The following ASPM variants were observed in gnomAD, a reference collection of about 807,000 sequenced individuals.
ASPM encodes assembly factor for spindle microtubules.
ASPM carries 256 observed loss-of-function variants against 366.4 expected under a neutral mutation model. The observed-to-expected ratio is 0.70, with a 90% CI of 0.63 to 0.77. The LOEUF is 0.77. ASPM is among the 30% of genes least tolerant of loss of function. The probability of loss-of-function intolerance (pLI) is 0.00; values close to 1 mark genes in which losing one functional copy is unlikely to be tolerated. For missense variants in ASPM, 4,146 were observed against 4,090.4 expected (o/e 1.01, Z -0.37); for synonymous variants, 1,414 against 1,342.9 (o/e 1.05, Z -1.16).
Position 197,129,230 on chromosome 1 carries a change from A to G in ASPM, c.2717T>C (p.Ile906Thr), listed in dbSNP as rs1658186134. 2 of 1,612,630 alleles carry G rather than the reference A, an allele frequency of 1.2e-6. No homozygotes were observed. The highest frequency in any genetic ancestry group is 2.2e-5 in the East Asian group (1 of 44,738). The change falls in exon 9 of 28, where the codon ATT becomes ACT. Residue 906 changes from isoleucine (I) to threonine (T), a missense_variant. Transcript: ENST00000367409. Reference sequence around the variant, plus strand: ...ACAGAAGAGACAAGGATCATGATCAATGAGTCTGGAAATTTTAGCATAATC... The same window carrying G: ...ACAGAAGAGACAAGGATCATGATCAGTGAGTCTGGAAATTTTAGCATAATC... ...FLDYAKISRL[I>T]DHDPCLFCKD...
At chr1:197,088,519 C>A in intron 25 of ASPM, 87 bp from the exon 26 acceptor site, 1 of 1,364,494 alleles carries the variant, frequency 7.3e-7, no homozygotes, top group South Asian at 1.3e-5. Context: ...TACAAAAGTC[C>A]ATACTTAGTA....
chr1:197,115,560 C>T (rs1016429330), intron 17 of ASPM, among the ~76,000 whole-genome samples: 3 of 152,138 alleles, frequency 2.0e-5, no homozygotes, highest in African/African-American at 7.2e-5. Context: ...CATAGCCTTA[C>T]AAAAATGTGT....
rs367982140 is a variant in ASPM, at chr1:197,088,400, T to G, written c.10017A>C (p.Val3339=). The G allele has an allele frequency of 6.2e-7, 1 of 1,608,696 alleles. No individual in the cohort carries two copies. The highest frequency in any genetic ancestry group is 8.5e-7 in the Non-Finnish European group (1 of 1,176,040). Residue 3339 remains valine, a synonymous_variant, in exon 26 of 28, where the codon GTA becomes GTC. Transcript: ENST00000367409. ...YEKTTSAVYD[V]ENCIDILLEL... The stretch of plus-strand genomic sequence containing the variant: ...CCAATAGTATATCTATACAATTTTC[T>G]ACATCATAAACTGCTGAAGTAGTTT...
intron 22 of ASPM, among the ~76,000 whole-genome samples, chr1:197,091,455 C>T (rs544141204): frequency 2.8e-4 from 42 of 151,670 alleles, no homozygotes; most frequent in East Asian, 3.9e-4. Flanking sequence ...AATGGAAAAA[C>T]GGGCAAAGTG....
intron 4 of ASPM, among the ~76,000 whole-genome samples, chr1:197,138,007 A>G (rs1658473092): frequency 1.3e-5 from 2 of 152,194 alleles, no homozygotes; most frequent in Admixed American, 6.5e-5. Context: ...GAATTTAAAA[A>G]GGAAAATAGG....
chr1:197,085,520 G>A (rs1656560118), intron 27 of ASPM, among the ~76,000 whole-genome samples: 1 of 152,142 alleles, frequency 6.6e-6, no homozygotes. Flanking sequence ...ATCAATTGGT[G>A]AGTGAACAAA....
chr1:197,086,797 G>C lies in ASPM; in HGVS notation c.10331+6C>G. ...ACAAATTTATGGACTATATTTAATTGCTTACCTTGAAACTATTCTGGTCCT... is the reference window on the plus strand; with the variant it reads ...ACAAATTTATGGACTATATTTAATTCCTTACCTTGAAACTATTCTGGTCCT... On this transcript the variant is annotated splice_donor_region_variant and intron_variant, in intron 27 of 27. Transcript: ENST00000367409. The C allele has an allele frequency of 6.3e-7, 1 of 1,596,606 alleles. No homozygotes were observed. Among genetic ancestry groups the C allele is most frequent in the Non-Finnish European group, 8.6e-7 (1 of 1,164,636 alleles).
Position 197,142,889 on chromosome 1 carries a change from C to G in ASPM, c.1363G>C (p.Val455Leu). 2 of 1,613,600 alleles carry G rather than the reference C, an allele frequency of 1.2e-6. No individual in the cohort carries two copies. Among genetic ancestry groups the G allele is most frequent in the Non-Finnish European group, 1.7e-6 (2 of 1,179,564 alleles). ...KSPKAIFEELVEMKSNYYSFI... is the reference protein window; with the variant it reads ...KSPKAIFEELLEMKSNYYSFI... ...CTGTAGTAATTTGACTTCATTTCTA[C>G]TAGTTCTTCAAAAATAGCTTTGGGA... is the stretch of plus-strand genomic sequence containing the variant. The change falls in exon 3 of 28, where the codon GTA (valine) becomes CTA (leucine). Residue 455 changes from valine (V) to leucine (L), a missense_variant. Around this residue, in one of 3 missense-constraint regions of ASPM, gnomAD observed 3,624 missense variants for 3,591.7 expected, o/e 1.01. Transcript: ENST00000367409.
intron 1 of ASPM, 59 bp from the exon 2 acceptor site, chr1:197,144,159 C>A: frequency 8.2e-7 from 1 of 1,215,562 alleles, no homozygotes; most frequent in African/African-American, 1.5e-5. Flanking sequence ...AACCAAAACA[C>A]CTTATATACA....
intron 27 of ASPM, among the ~76,000 whole-genome samples, chr1:197,085,863 T>C (rs1031732654): frequency 6.6e-6 from 1 of 152,142 alleles, no homozygotes; most frequent in Non-Finnish European, 1.5e-5. Context: ...CGAATTGAAT[T>C]GCATACATTT....
At chr1:197,097,097 C>T (rs1656996168) in intron 18 of ASPM, among the ~76,000 whole-genome samples, 1 of 151,592 alleles carries the variant, frequency 6.6e-6, no homozygotes, top group Non-Finnish European at 1.5e-5. Flanking sequence ...AGAGAAAGGG[C>T]TGGAGTCCTT....
Position 197,104,824 on chromosome 1 carries a change from C to A in ASPM, c.4427G>T (p.Arg1476Ile), listed in dbSNP as rs2125096654. The A allele has an allele frequency of 6.3e-7, 1 of 1,589,552 alleles. No individual in the cohort carries two copies. The highest frequency in any genetic ancestry group is 1.2e-5 in the South Asian group (1 of 86,176). Reference sequence around the variant, plus strand: ...ATATTTCCGTAATTCTTTATGCATTCTATACCATGATTGTATGATAATAGC... The same window carrying A: ...ATATTTCCGTAATTCTTTATGCATTATATACCATGATTGTATGATAATAGC... ...NSAIIIQSWY[R>I]MHKELRKYIY... The change falls in exon 18 of 28, where the codon AGA becomes ATA. Residue 1476 changes from arginine to isoleucine, a missense_variant. By Grantham distance (97) the Arg-to-Ile change is moderately conservative. Coordinates refer to ENST00000367409, the MANE Select transcript of ASPM (RefSeq NM_018136.5).
Position 197,104,665 on chromosome 1 carries a change from A to T in ASPM, c.4586T>A (p.Ile1529Asn). Residue 1529 changes from isoleucine to asparagine, a missense_variant, in exon 18 of 28, where the codon ATT becomes AAT. Ile to Asn is a moderately radical substitution (Grantham distance 149). This residue lies in a region of ASPM where 3,624 missense variants were observed against 3,591.7 expected (regional missense o/e 1.01). Transcript: ENST00000367409. ...TTTCTGCAAATAGTTGGTGCGCTCAATCTTTCCTTTCAGATATGCTTTGTA... is the reference window on the plus strand; with the variant it reads ...TTTCTGCAAATAGTTGGTGCGCTCATTCTTTCCTTTCAGATATGCTTTGTA... The part of the protein sequence containing the change: ...KYYKAYLKGK[I>N]ERTNYLQKRA... 2 of 1,613,138 alleles carry T rather than the reference A, an allele frequency of 1.2e-6. No homozygotes were observed. Among genetic ancestry groups the T allele is most frequent in the Non-Finnish European group, 1.7e-6 (2 of 1,179,450 alleles).
Position 197,101,281 on chromosome 1 carries a change from C to G in ASPM, c.7970G>C (p.Arg2657Thr), listed in dbSNP as rs747361312. 2 of 1,611,842 alleles carry G rather than the reference C, an allele frequency of 1.2e-6. No homozygotes were observed. Among genetic ancestry groups the G allele is most frequent in the Non-Finnish European group, 1.7e-6 (2 of 1,178,812 alleles). The change falls in exon 18 of 28, where the codon AGA becomes ACA. Residue 2657 changes from arginine to threonine, a missense_variant. Arg to Thr is a moderately conservative substitution (Grantham distance 71). Transcript: ENST00000367409. Reference protein sequence around the residue: ...LRATVVSIQRRYRKLTAVRTQ... With the variant: ...LRATVVSIQRTYRKLTAVRTQ... ...ACGCACTGCAGTTAGTTTTCTGTAT[C>G]TTCTTTGAATAGAAACTACTGTTGC...
In ASPM at chr1:197,103,626, CT is replaced by C; in HGVS notation, c.5624del (p.Lys1875ArgfsTer4). 1 of 1,612,850 alleles carries C rather than the reference CT, an allele frequency of 6.2e-7. No individual in the cohort carries two copies. The highest frequency in any genetic ancestry group is 8.5e-7 in the Non-Finnish European group (1 of 1,179,406). ...HDTRTHFLKT[K>X]AAVISLQSAY... Reference sequence around the variant, plus strand: ...CAGACTGGAGGGAAATCACAGCTGCCTTTGTCTTCAAAAAATGTGTTCTTGT... The same window carrying C: ...CAGACTGGAGGGAAATCACAGCTGCCTTGTCTTCAAAAAATGTGTTCTTGT... On this transcript the variant is annotated frameshift_variant, in exon 18 of 28. Transcript: ENST00000367409. LOFTEE classifies it high-confidence loss of function.
chr1:197,122,409 A>G lies in ASPM; in HGVS notation c.3577T>C (p.Ser1193Pro), dbSNP rs757812817. The change falls in exon 14 of 28, where the codon TCT (serine) becomes CCT (proline). Residue 1193 changes from serine to proline, a missense_variant. Physicochemically the swap from Ser to Pro is moderately conservative, Grantham distance 74. Transcript: ENST00000367409. ...SESDDSSLDM[S>P]LKAFDHENTS... ...TAACCATGATCAAATGCTTTAAGAG[A>G]CATATCCAGAGAACTGTCATCAGAT... The G allele has an allele frequency of 3.1e-6, 5 of 1,613,722 alleles. No individual in the cohort carries two copies. The East Asian group carries it at 8.9e-5, about 29-fold the overall frequency.
intron 4 of ASPM, chr1:197,139,123 G>A: frequency 1.2e-6 from 1 of 806,684 alleles, no homozygotes; most frequent in Non-Finnish European, 2.2e-6. Context: ...ATAGTGCTGA[G>A]TGTAGGTTTT....
At chr1:197,114,176 T>C (rs959346579) in intron 17 of ASPM, among the ~76,000 whole-genome samples, 6 of 152,190 alleles carry the variant, frequency 3.9e-5, no homozygotes, top group African/African-American at 1.4e-4. Flanking sequence ...TATACTGCAG[T>C]CTATTAAGTG....
chr1:197,092,048 T>C lies in ASPM; in HGVS notation c.9303A>G (p.Glu3101=), dbSNP rs970808820. 2.5e-6 allele frequency: 4 copies of C among 1,611,474 alleles called. No individual in the cohort carries two copies. In the Admixed American group the frequency reaches 6.7e-5, roughly 27 times the overall value. Residue 3101 remains glutamate, a synonymous_variant, in exon 22 of 28, where the codon GAA becomes GAG. Transcript: ENST00000367409. ...GAAGAAGTCGAATTTTGGCTCTCTG[T>C]TCTAAAAACTAAAGGTGAAAAAACA... ...RGWLVRKRFL[E]QRAKIRLLHF...
Sources: gnomAD v4.1 joint callset for allele counts (sites outside exome capture counted in the v4.1 genomes callset) on GRCh38, gnomAD v4.1.1 for gene constraint, gnomAD v4.1.1 regional missense constraint, MANE v1.5 for transcripts, NCBI Gene and HGNC (gene_info 2026-07-23, HGNC 2026-07-21) for gene names.